RHPN2: variants seen among roughly 807,000 people sequenced by gnomAD.
The protein encoded by RHPN2 is rhophilin Rho GTPase binding protein 2, also known as rhophilin-2.
RHPN2 carries 40 observed loss-of-function variants against 79.0 expected under a neutral mutation model. The observed-to-expected ratio is 0.51, with a 90% CI of 0.39 to 0.66. RHPN2 has a LOEUF of 0.66. Among genes scored for constraint, RHPN2 ranks in the 30% least tolerant of loss-of-function variants. The probability of loss-of-function intolerance (pLI) is 0.00; values close to 1 mark genes in which losing one functional copy is unlikely to be tolerated. For missense variants in RHPN2, 686 were observed against 883.5 expected (o/e 0.78, Z 2.83); for synonymous variants, 285 against 363.5 (o/e 0.78, Z 2.46).
At chr19:33,063,248 C>T (rs1972296990) in intron 1 of RHPN2, among the ~76,000 whole-genome samples, 1 of 151,340 alleles carries the variant, frequency 6.6e-6, no homozygotes, top group African/African-American at 2.4e-5. Flanking sequence ...CATCTTTAAA[C>T]TTAAATATAC....
intron 1 of RHPN2, among the ~76,000 whole-genome samples, chr19:33,048,744 A>AAAAAAAAAAC (rs1419644800): frequency 2.0e-5 from 3 of 151,206 alleles, no homozygotes; most frequent in Non-Finnish European, 4.4e-5. Flanking sequence ...AAAAAAAAAA[A>AAAAAAAAAAC]ACTTTAATGT....
intron 7 of RHPN2, among the ~76,000 whole-genome samples, chr19:33,007,546 G>A (rs1450549215): frequency 1.3e-5 from 2 of 151,664 alleles, no homozygotes; most frequent in Non-Finnish European, 2.9e-5. Flanking sequence ...AGAGTAATAC[G>A]CACTGATAAG....
chr19:33,059,332 T>A (rs925482778), intron 1 of RHPN2, among the ~76,000 whole-genome samples: 1 of 149,800 alleles, frequency 6.7e-6, no homozygotes, highest in Non-Finnish European at 1.5e-5. Context: ...GGAGTCTCGC[T>A]CTGCTGCTCA....
chr19:33,021,713 G>T, intron 3 of RHPN2, 67 bp from the exon 4 acceptor site: 1 of 1,144,082 alleles, frequency 8.7e-7, no homozygotes, highest in Non-Finnish European at 1.3e-6. Flanking sequence ...CCACGGCCTT[G>T]CCCTCAGCAG....
intron 2 of RHPN2, among the ~76,000 whole-genome samples, chr19:33,029,508 A>G (rs1203445242): frequency 6.8e-6 from 1 of 147,670 alleles, no homozygotes; most frequent in Non-Finnish European, 1.5e-5. Context: ...CCTGGGCGAC[A>G]GAGCGAGACT....
At chr19:32,996,664 C>G (rs201135958) in intron 10 of RHPN2, among the ~76,000 whole-genome samples, 1 of 151,844 alleles carries the variant, frequency 6.6e-6, no homozygotes, top group Non-Finnish European at 1.5e-5. Flanking sequence ...TTTTTTTTAA[C>G]TTTTTGCCTA....
chr19:32,989,712 G>A (rs1056879938), intron 14 of RHPN2, among the ~76,000 whole-genome samples: 18 of 152,208 alleles, frequency 1.2e-4, no homozygotes, highest in Non-Finnish European at 2.1e-4. Flanking sequence ...GCTCACGCCT[G>A]TAATCCCAGC....
chr19:33,045,369 TA>T (rs1972133969), intron 1 of RHPN2, among the ~76,000 whole-genome samples: 1 of 152,054 alleles, frequency 6.6e-6, no homozygotes, highest in Admixed American at 6.6e-5. Context: ...TTTTATTTAG[TA>T]ACAGCTTTAT....
chr19:33,027,758 A>C (rs1039695432), intron 2 of RHPN2, among the ~76,000 whole-genome samples: 1 of 152,110 alleles, frequency 6.6e-6, no homozygotes, highest in African/African-American at 2.4e-5. Context: ...AGGACAAAAA[A>C]ACACATGGTG....
chr19:32,979,883 AG>A lies in RHPN2; in HGVS notation c.*112del. On this transcript the variant is annotated 3_prime_UTR_variant, in exon 15 of 15. Transcript: ENST00000254260. ...ACATCAAATGTGAGTTTACACTATG[AG>A]AAAAACAGGATTTGAGAACAGATAG... 2 of 1,318,302 alleles carry A rather than the reference AG, an allele frequency of 1.5e-6. No individual in the cohort carries two copies. Among genetic ancestry groups the A allele is most frequent in the South Asian group, 2.5e-5 (2 of 80,804 alleles). The allele number at this position is 1,318,302 out of a possible 1,614,324, so 81.7% of individuals were successfully genotyped here.
intron 2 of RHPN2, among the ~76,000 whole-genome samples, chr19:33,038,427 G>A (rs1411929419): frequency 6.6e-6 from 1 of 151,974 alleles, no homozygotes; most frequent in Non-Finnish European, 1.5e-5. Flanking sequence ...CTCCAGGTTG[G>A]GCAACACAGC....
intron 4 of RHPN2, among the ~76,000 whole-genome samples, chr19:33,017,223 A>C (rs867669860): frequency 6.6e-6 from 1 of 151,944 alleles, no homozygotes; most frequent in Non-Finnish European, 1.5e-5. Flanking sequence ...TACTAATAAA[A>C]ATTAGCCAGG....
intron 3 of RHPN2, among the ~76,000 whole-genome samples, chr19:33,021,951 T>G (rs1437172772): frequency 6.6e-6 from 1 of 152,116 alleles, no homozygotes; most frequent in African/African-American, 2.4e-5. Context: ...TATTTTATTA[T>G]TATTTTTTTT....
At chr19:32,982,363 C>T (rs557697545) in intron 14 of RHPN2, among the ~76,000 whole-genome samples, 2 of 151,858 alleles carry the variant, frequency 1.3e-5, no homozygotes, top group Non-Finnish European at 2.9e-5. Context: ...GCCCAGATCA[C>T]GCCACTGCAC....
At chr19:33,053,517 A>G (rs1484869426) in intron 1 of RHPN2, among the ~76,000 whole-genome samples, 1 of 145,842 alleles carries the variant, frequency 6.9e-6, no homozygotes, top group East Asian at 2.1e-4. Context: ...TCTGCCTCCT[A>G]GGTTCAAGCG....
chr19:33,035,837 C>A (rs1467631895), intron 2 of RHPN2, among the ~76,000 whole-genome samples: 5 of 152,120 alleles, frequency 3.3e-5, no homozygotes, highest in African/African-American at 1.2e-4. Flanking sequence ...TAATATCGGG[C>A]CGGGCGCCAT....
chr19:32,978,809 C>G lies in RHPN2; in HGVS notation c.*1187G>C, dbSNP rs1281483473. ...TTATTAGATTCACGGTGTCATCGAA[C>G]TTATAGCAAGATAAAAATCAATCAG... On this transcript the variant is annotated 3_prime_UTR_variant, in exon 15 of 15. Coordinates refer to ENST00000254260, the MANE Select transcript of RHPN2 (RefSeq NM_033103.5). The G allele has an allele frequency of 6.6e-6, 1 of 152,498 alleles. No individual in the cohort carries two copies. The highest frequency in any genetic ancestry group is 2.1e-4 in the South Asian group (1 of 4,830). 9.4% of individuals were successfully genotyped at this position (152,498 alleles called of 1,614,324 possible). A position where few individuals can be genotyped will look rare whatever the true frequency, so the allele number is the denominator to read the frequency against.
intron 1 of RHPN2, among the ~76,000 whole-genome samples, chr19:33,050,721 C>A (rs1013739866): frequency 6.6e-6 from 1 of 151,990 alleles, no homozygotes; most frequent in Non-Finnish European, 1.5e-5. Flanking sequence ...TCTTGTTGCC[C>A]GGGCTGGAGC....
At chr19:33,048,725 C>CAAAA (rs58396784) in intron 1 of RHPN2, among the ~76,000 whole-genome samples, 2,786 of 62,496 alleles carry the variant, frequency 0.045, 238 homozygotes, top group East Asian at 0.21. Flanking sequence ...GACTCAGTCT[C>CAAAA]AAAAAAAAAA....
Sources: allele counts gnomAD v4.1 joint callset (sites outside exome capture counted in the v4.1 genomes callset), GRCh38; gene constraint gnomAD v4.1.1; transcripts MANE v1.5; gene names NCBI Gene and HGNC (gene_info 2026-07-23, HGNC 2026-07-21).